CDHR4: variants seen among roughly 807,000 people sequenced by gnomAD.
CDHR4 encodes the protein cadherin related family member 4, also known as cadherin-related family member 4.
In CDHR4, 89 loss-of-function variants were observed where a neutral mutation model predicts 88.4. That is an observed-to-expected ratio of 1.01 (90% confidence interval 0.85 to 1.20). CDHR4 has a LOEUF of 1.20. Among genes scored for constraint, CDHR4 ranks in the 50% most tolerant of loss-of-function variants. CDHR4 has a pLI of 0.00. For synonymous variants in CDHR4, 368 were observed against 399.2 expected (o/e 0.92, Z 0.93); for missense variants, 914 against 1,007.2 (o/e 0.91, Z 1.25).
In CDHR4 at chr3:49,795,180, G is replaced by A. The variant is rs1477211688; in HGVS notation, c.1031+16C>T. ...CTCTGACCCCAGCAGCCCAAGTATGGTTCCCGGGTACTCACACCAGAAGCG... is the reference window on the plus strand; with the variant it reads ...CTCTGACCCCAGCAGCCCAAGTATGATTCCCGGGTACTCACACCAGAAGCG... On this transcript the variant is annotated intron_variant, in intron 8 of 18. Transcript: ENST00000412678. This position sits in a 1 kb window ranked among gnomAD's most constrained non-coding sequence, Gnocchi z 5.4. 6.4e-7 allele frequency: 1 copy of A among 1,551,488 alleles called. No individual in the cohort carries two copies. Among genetic ancestry groups the A allele is most frequent in the Non-Finnish European group, 8.7e-7 (1 of 1,146,958 alleles).
chr3:49,792,356 G>A (rs947240796), intron 15 of CDHR4, 112 bp downstream of exon 15: 33 of 1,347,100 alleles, frequency 2.4e-5, no homozygotes, highest in East Asian at 5.0e-5. Flanking sequence ...ATATCAGTTC[G>A]TCACCCACCT....
In CDHR4 at chr3:49,793,268, T is replaced by C; in HGVS notation, c.1667A>G (p.Glu556Gly). Residue 556 changes from glutamate (E) to glycine (G), a missense_variant, in exon 13 of 19, where the codon GAA (glutamate) becomes GGA (glycine). Transcript: ENST00000412678. ...GCCCAGAGGAGCATAGATGGTGAGT[T>C]CCTGAAATGGGGGCTCACACTCGGG... The part of the protein sequence containing the change: ...HAPECEPPFQ[E>G]LTIYAPLGRS... The C allele has an allele frequency of 6.4e-7, 1 of 1,551,620 alleles. No individual in the cohort carries two copies. Among genetic ancestry groups the C allele is most frequent in the Non-Finnish European group, 8.7e-7 (1 of 1,146,978 alleles).
rs756526126 is a variant in CDHR4 at position 49,799,791 on chromosome 3, C to T, written c.22G>A (p.Val8Met). The T allele has an allele frequency of 3.4e-5, 55 of 1,613,846 alleles. No homozygotes were observed. The highest frequency in any genetic ancestry group is 4.3e-5 in the Non-Finnish European group (51 of 1,179,864). The change falls in exon 1 of 19, where the codon GTG becomes ATG. Residue 8 changes from valine to methionine, a missense_variant. Physicochemically the swap from Val to Met is conservative, Grantham distance 21. Coordinates refer to ENST00000412678, the MANE Select transcript of CDHR4 (RefSeq NM_001007540.4). MVLLRLL[V>M]FLFAPVVSDL... ...GAGACCACCGGAGCAAAGAGGAACA[C>T]GAGGAGCCTGAGCAGCACCATGATG...
intron 4 of CDHR4, chr3:49,798,360 G>A (rs2081304549): frequency 6.2e-6 from 1 of 162,512 alleles, no homozygotes; most frequent in Non-Finnish European, 1.3e-5. Flanking sequence ...GCCGAGGTGG[G>A]GAGATCACGA....
At chr3:49,791,537 G>A in intron 17 of CDHR4, 69 bp from the exon 18 acceptor site, 1 of 1,524,620 alleles carries the variant, frequency 6.6e-7, no homozygotes, top group Non-Finnish European at 8.8e-7. Flanking sequence ...ATGAAGGCCT[G>A]CCCCTAGGGG....
In CDHR4 at chr3:49,794,946, C is replaced by T. The variant is rs2081244917; in HGVS notation, c.1185+1G>A. 6.4e-7 allele frequency: 1 copy of T among 1,551,546 alleles called. No individual in the cohort carries two copies. The highest frequency in any genetic ancestry group is 8.7e-7 in the Non-Finnish European group (1 of 1,147,002). On this transcript the variant is annotated splice_donor_variant, in intron 9 of 18. Coordinates refer to ENST00000412678, the MANE Select transcript of CDHR4 (RefSeq NM_001007540.4). LOFTEE classifies it high-confidence loss of function. Reference sequence around the variant, plus strand: ...TGGGTCTGGGAGCTGGGGCTGGGCACCTCAAGGACTCTGTCATAAAGGCAG... The same window carrying T: ...TGGGTCTGGGAGCTGGGGCTGGGCATCTCAAGGACTCTGTCATAAAGGCAG...
At chr3:49,794,837 C>A in intron 9 of CDHR4, 110 bp downstream of exon 9, 1 of 1,462,640 alleles carries the variant, frequency 6.8e-7, no homozygotes, top group Non-Finnish European at 9.3e-7. Flanking sequence ...CAGGTTGGCT[C>A]GACAGCCATC....
chr3:49,797,908 C>CTT (rs34937740), intron 4 of CDHR4, among the ~76,000 whole-genome samples: 99 of 131,150 alleles, frequency 7.5e-4, no homozygotes, highest in African/African-American at 2.1e-3. Flanking sequence ...TTTTTAAATA[C>CTT]TTTTTTTTTT....
Position 49,795,304 on chromosome 3 carries a change from A to C in CDHR4, c.923T>G (p.Val308Gly), listed in dbSNP as rs1575347516. ...CAGCTGGCCCTGCTCAAAGGCCTTCACCTGCAGCCTGGAGACCGCGGTGCC... is the reference window on the plus strand; with the variant it reads ...CAGCTGGCCCTGCTCAAAGGCCTTCCCCTGCAGCCTGGAGACCGCGGTGCC... ...TSGTAVSRLQ[V>G]KAFEQGQLWA... The change falls in exon 8 of 19, where the codon GTG becomes GGG. Residue 308 changes from valine (V) to glycine (G), a missense_variant. Physicochemically the swap from Val to Gly is moderately radical, Grantham distance 109 (BLOSUM62 -3). Transcript: ENST00000412678. This position sits in a 1 kb window ranked among gnomAD's most constrained non-coding sequence, Gnocchi z 5.4. 19 of 1,551,576 alleles carry C rather than the reference A, an allele frequency of 1.2e-5. No homozygotes were observed. Among genetic ancestry groups the C allele is most frequent in the Non-Finnish European group, 1.4e-5 (16 of 1,146,958 alleles).
chr3:49,795,559 C>T lies in CDHR4; in HGVS notation c.847+69G>A. On this transcript the variant is annotated intron_variant, in intron 7 of 18. Coordinates refer to ENST00000412678, the MANE Select transcript of CDHR4 (RefSeq NM_001007540.4). This position sits in a 1 kb window ranked among gnomAD's most constrained non-coding sequence, Gnocchi z 5.4. Reference sequence around the variant, plus strand: ...CCCCAAACAGGAAGGTGAAGAGGTACTATGGGTCACCTCTGGACCAGCCAC... The same window carrying T: ...CCCCAAACAGGAAGGTGAAGAGGTATTATGGGTCACCTCTGGACCAGCCAC... The T allele has an allele frequency of 6.5e-7, 1 of 1,538,292 alleles. No homozygotes were observed. Among genetic ancestry groups the T allele is most frequent in the Non-Finnish European group, 8.8e-7 (1 of 1,138,370 alleles).
At position 49,791,927 on chromosome 3, in the gene CDHR4, G is replaced by A; in HGVS notation, c.2171C>T (p.Pro724Leu). 6.4e-7 allele frequency: 1 copy of A among 1,551,708 alleles called. No homozygotes were observed. The highest frequency in any genetic ancestry group is 8.7e-7 in the Non-Finnish European group (1 of 1,146,986). ...LAQLLQAPSKPAQALLLNSIQ... is the reference protein window; with the variant it reads ...LAQLLQAPSKLAQALLLNSIQ... Reference sequence around the variant, plus strand: ...CCTGTTTAGCAGCAAAGCCTGGGCTGGTTTGCTGGGTGCTTGCAGCAGCTG... The same window carrying A: ...CCTGTTTAGCAGCAAAGCCTGGGCTAGTTTGCTGGGTGCTTGCAGCAGCTG... Residue 724 changes from proline to leucine, a missense_variant, in exon 16 of 19, where the codon CCA becomes CTA. By Grantham distance (98) the Pro-to-Leu change is moderately conservative (BLOSUM62 -3). Transcript: ENST00000412678.
At chr3:49,791,032 C>T in intron 18 of CDHR4, 145 bp from the exon 19 acceptor site, 2 of 648,818 alleles carry the variant, frequency 3.1e-6, no homozygotes, top group Non-Finnish European at 5.3e-6. Flanking sequence ...TAACCTGTCC[C>T]CTCCCTCCCT....
chr3:49,792,904 G>A lies in CDHR4; in HGVS notation c.1945C>T (p.Leu649=). 6.4e-7 allele frequency: 1 copy of A among 1,550,936 alleles called. No individual in the cohort carries two copies. The highest frequency in any genetic ancestry group is 2.4e-5 in the East Asian group (1 of 40,880). ...ACTGTGCTGGCCCTCCGGGGAACTA[G>A]ATGCACAATAATGGTGGCTGTGGTG... ...LSTTATIIVH[L]VPRRASTVAT... is the part of the protein sequence containing the mutation. The change falls in exon 14 of 19, where the codon CTA becomes TTA. Residue 649 remains leucine, a synonymous_variant. Transcript: ENST00000412678.
rs1575349249 is a variant in CDHR4 at position 49,796,162 on chromosome 3, A to G, written c.607-116T>C. On this transcript the variant is annotated intron_variant, in intron 5 of 18. Coordinates refer to ENST00000412678, the MANE Select transcript of CDHR4 (RefSeq NM_001007540.4). ...CTTAGGATCTCCAAAAGGATCTTCA[A>G]CTTCCACTCTTCCCCATGATCCCCA... The G allele has an allele frequency of 1.6e-5, 10 of 644,220 alleles. No individual in the cohort carries two copies. The Middle Eastern group carries it at 1.2e-3, about 77-fold the overall frequency. The allele number at this position is 644,220 out of a possible 1,614,324, so 39.9% of individuals were successfully genotyped here. A position where few individuals can be genotyped will look rare whatever the true frequency, so the allele number is the denominator to read the frequency against.
chr3:49,793,531 T>C, intron 12 of CDHR4, 52 bp downstream of exon 12: 1 of 1,543,808 alleles, frequency 6.5e-7, no homozygotes, highest in Non-Finnish European at 8.8e-7. Context: ...CAGGGCAATC[T>C]GAACTCCTGT....
chr3:49,791,613 A>G (rs2081181001), intron 17 of CDHR4, 101 bp downstream of exon 17: 1 of 1,480,806 alleles, frequency 6.8e-7, no homozygotes, highest in Admixed American at 2.0e-5. Context: ...AAGGATACCC[A>G]TTCATCGGAA....
upstream of CDHR4, among the ~76,000 whole-genome samples, chr3:49,802,266 C>G (rs1383008338): frequency 1.3e-5 from 2 of 152,242 alleles, no homozygotes; most frequent in East Asian, 3.9e-4. Context: ...CTCCGCCTCC[C>G]GGGTTCACGC....
chr3:49,795,577 C>T lies in CDHR4; in HGVS notation c.847+51G>A, dbSNP rs1043828920. 1 of 1,548,948 alleles carries T rather than the reference C, an allele frequency of 6.5e-7. No individual in the cohort carries two copies. The highest frequency in any genetic ancestry group is 1.4e-5 in the African/African-American group (1 of 73,102). ...AGAGGTACTATGGGTCACCTCTGGA[C>T]CAGCCACAGAGGCATCCCAGTACCT... On this transcript the variant is annotated intron_variant, in intron 7 of 18. Coordinates refer to ENST00000412678, the MANE Select transcript of CDHR4 (RefSeq NM_001007540.4). This position sits in a 1 kb window ranked among gnomAD's most constrained non-coding sequence, Gnocchi z 5.4.
Position 49,795,881 on chromosome 3 carries a change from C to G in CDHR4, c.710+62G>C. The G allele has an allele frequency of 6.6e-7, 1 of 1,515,524 alleles. No individual in the cohort carries two copies. The highest frequency in any genetic ancestry group is 1.3e-5 in the South Asian group (1 of 77,542). The allele number at this position is 1,515,524 out of a possible 1,614,324, so 93.9% of individuals were successfully genotyped here. Reference sequence around the variant, plus strand: ...GGGACTCAGCTCCAGCAGCCTCACCCTACCTGATTCCCTGGGGCTAGGCCC... The same window carrying G: ...GGGACTCAGCTCCAGCAGCCTCACCGTACCTGATTCCCTGGGGCTAGGCCC... On this transcript the variant is annotated intron_variant, in intron 6 of 18. Transcript: ENST00000412678. The surrounding 1 kb of genome is among the most constrained non-coding windows in gnomAD (Gnocchi z 5.4).
Sources: gnomAD v4.1 joint callset for allele counts (sites outside exome capture counted in the v4.1 genomes callset) on GRCh38, gnomAD v4.1.1 for gene constraint, Gnocchi (gnomAD v3.1) non-coding constraint, MANE v1.5 for transcripts, NCBI Gene and HGNC (gene_info 2026-07-23, HGNC 2026-07-21) for gene names.